TTLL5: variants seen among roughly 807,000 people sequenced by gnomAD.
TTLL5 encodes the protein tubulin tyrosine ligase like 5.
Under a neutral mutation model 168.4 loss-of-function variants are expected in TTLL5, and 132 were observed. The ratio of observed to expected loss-of-function variants is 0.78; its 90% confidence interval spans 0.68 to 0.91. The LOEUF (loss-of-function observed/expected upper bound fraction) is 0.91. TTLL5 is among the 40% of genes least tolerant of loss of function. TTLL5 has a pLI of 0.00. For synonymous variants in TTLL5, 546 were observed against 558.6 expected (o/e 0.98, Z 0.32); for missense variants, 1,545 against 1,581.5 (o/e 0.98, Z 0.39).
rs1225555561 is a variant in TTLL5 at position 75,665,989 on chromosome 14, G to C, written c.74+2766G>C. Among the ~76,000 whole-genome samples, 2 of 152,182 alleles carry C rather than the reference G, an allele frequency of 1.3e-5. 1 individual carries two copies. The highest frequency in any genetic ancestry group is 4.1e-4 in the South Asian group (2 of 4,834). On this transcript the variant is annotated intron_variant, in intron 2 of 31. Coordinates refer to ENST00000298832, the MANE Select transcript of TTLL5 (RefSeq NM_015072.5). ...TCTAGTAAAAGTTAGTGAAAATAAAGGTGTAATTTTCCCTCTGCTCCCATC... is the reference window on the plus strand; with the variant it reads ...TCTAGTAAAAGTTAGTGAAAATAAACGTGTAATTTTCCCTCTGCTCCCATC...
chr14:75,686,747 A>G (rs1885089365), intron 5 of TTLL5, among the ~76,000 whole-genome samples: 2 of 152,300 alleles, frequency 1.3e-5, no homozygotes, highest in Admixed American at 1.3e-4. Context: ...TCAGAAGGTC[A>G]CATCTGTAGA....
intron 3 of TTLL5, among the ~76,000 whole-genome samples, chr14:75,679,226 G>A (rs1039901976): frequency 2.6e-5 from 4 of 152,234 alleles, no homozygotes; most frequent in Non-Finnish European, 1.5e-5. Flanking sequence ...TGGGCCCAAT[G>A]TAATCACAAG....
At chr14:75,700,655 G>A (rs1347850681) in intron 7 of TTLL5, among the ~76,000 whole-genome samples, 1 of 152,158 alleles carries the variant, frequency 6.6e-6, no homozygotes, top group Middle Eastern at 3.2e-3. Flanking sequence ...CAAGTTGTCG[G>A]CTTGGCCCTC....
chr14:75,913,155 C>T (rs1158125303), intron 31 of TTLL5, among the ~76,000 whole-genome samples: 1 of 152,186 alleles, frequency 6.6e-6, no homozygotes, highest in Non-Finnish European at 1.5e-5. Flanking sequence ...GCAGAGGTAA[C>T]ATCTTCTGAA....
At chr14:75,802,336 G>T in intron 27 of TTLL5, among the ~76,000 whole-genome samples, 2 of 151,642 alleles carry the variant, frequency 1.3e-5, no homozygotes, top group South Asian at 2.1e-4. Flanking sequence ...TCTGAACATT[G>T]CTCTCATTAT....
At chr14:75,859,862 A>G (rs933520972) in intron 28 of TTLL5, among the ~76,000 whole-genome samples, 1 of 152,202 alleles carries the variant, frequency 6.6e-6, no homozygotes, top group Non-Finnish European at 1.5e-5. Flanking sequence ...GCATACTGCA[A>G]ACCCCAAGGC....
At chr14:75,816,186 T>C (rs1051917700) in intron 27 of TTLL5, among the ~76,000 whole-genome samples, 3 of 152,180 alleles carry the variant, frequency 2.0e-5, no homozygotes, top group Admixed American at 6.5e-5. Context: ...CCCAGCACTT[T>C]GGGAGGCCAA....
intron 31 of TTLL5, among the ~76,000 whole-genome samples, chr14:75,921,735 TTAAAG>T (rs1217471046): frequency 1.3e-5 from 2 of 152,222 alleles, no homozygotes; most frequent in Non-Finnish European, 2.9e-5. Context: ...CATATGAACT[TTAAAG>T]TAGTTTTTTC....
chr14:75,925,191 C>G (rs1298581136), intron 31 of TTLL5, among the ~76,000 whole-genome samples: 19 of 145,706 alleles, frequency 1.3e-4, no homozygotes, highest in African/African-American at 4.4e-4. Flanking sequence ...GGGGGCTGAC[C>G]CCCCCACCTC....
chr14:75,690,309 C>A lies in TTLL5; in HGVS notation c.489C>A (p.Tyr163Ter), dbSNP rs144769068. 1 of 1,606,548 alleles carries A rather than the reference C, an allele frequency of 6.2e-7. No individual in the cohort carries two copies. Residue 163 changes from tyrosine (Y) to a stop codon, truncating the protein, a stop_gained, in exon 6 of 32, where the codon TAC (tyrosine) becomes TAA (stop). Transcript: ENST00000298832. LOFTEE classifies it high-confidence loss of function. Reference protein sequence around the residue: ...LPQTFLLPAEYAEFCNSYSKD... With the variant: ...LPQTFLLPAE ...AGACCTTCCTCCTGCCAGCTGAGTA[C>A]GCGGAATTTTGTAGTAAGTGCTTGA...
intron 6 of TTLL5, among the ~76,000 whole-genome samples, chr14:75,690,547 T>C (rs954581414): frequency 6.6e-6 from 1 of 152,186 alleles, no homozygotes; most frequent in African/African-American, 2.4e-5. Flanking sequence ...TGGCATCATA[T>C]AAGCATGCCC....
intron 31 of TTLL5, among the ~76,000 whole-genome samples, chr14:75,923,993 T>C (rs2033916651): frequency 6.6e-6 from 1 of 152,086 alleles, no homozygotes; most frequent in Non-Finnish European, 1.5e-5. Context: ...TCTTTATTGG[T>C]TTAAAGTCTA....
intron 5 of TTLL5, among the ~76,000 whole-genome samples, chr14:75,687,502 G>C (rs1885157364): frequency 6.6e-6 from 1 of 152,066 alleles, no homozygotes; most frequent in Admixed American, 6.6e-5. Flanking sequence ...TCGAACTCCT[G>C]ACCTCAAATG....
intron 17 of TTLL5, among the ~76,000 whole-genome samples, chr14:75,750,108 T>A: frequency 6.6e-6 from 1 of 152,130 alleles, no homozygotes. Flanking sequence ...ACAGTGAGAC[T>A]TGGGTCAGAT....
chr14:75,945,319 C>T (rs369927189), intron 31 of TTLL5, among the ~76,000 whole-genome samples: 1 of 151,274 alleles, frequency 6.6e-6, no homozygotes, highest in Non-Finnish European at 1.5e-5. Context: ...TACAGTGGCA[C>T]GATCTTGGCT....
intron 6 of TTLL5, among the ~76,000 whole-genome samples, chr14:75,697,171 A>C (rs117862709): frequency 6.6e-6 from 1 of 152,228 alleles, no homozygotes; most frequent in Non-Finnish European, 1.5e-5. Flanking sequence ...TCAAGCTACA[A>C]TTGCAGAGTT....
chr14:75,775,413 T>C (rs1297579519), intron 21 of TTLL5, 71 bp from the exon 22 acceptor site: 1 of 1,557,296 alleles, frequency 6.4e-7, no homozygotes, highest in Non-Finnish European at 8.8e-7. Context: ...ATATAATGCC[T>C]TCATAGCTTG....
chr14:75,760,949 C>T (rs935487750), intron 18 of TTLL5, among the ~76,000 whole-genome samples: 9 of 152,008 alleles, frequency 5.9e-5, no homozygotes, highest in African/African-American at 2.2e-4. Context: ...AATGATTTGG[C>T]AAGCCACTGA....
chr14:75,814,348 C>T (rs1263502517), intron 27 of TTLL5, among the ~76,000 whole-genome samples: 1 of 152,138 alleles, frequency 6.6e-6, no homozygotes, highest in East Asian at 1.9e-4. Flanking sequence ...CCTGTAAGTG[C>T]TCTTTATCAC....
Sources: gnomAD v4.1 joint callset for allele counts (sites outside exome capture counted in the v4.1 genomes callset) on GRCh38, gnomAD v4.1.1 for gene constraint, MANE v1.5 for transcripts, NCBI Gene and HGNC (gene_info 2026-07-23, HGNC 2026-07-21) for gene names.